Variants in RNF220 observed in about 807,000 individuals in gnomAD.
RNF220 encodes E3 ubiquitin-protein ligase RNF220.
In RNF220, 7 loss-of-function variants were observed where a neutral mutation model predicts 67.1. The ratio of observed to expected loss-of-function variants is 0.10; its 90% CI spans 0.06 to 0.20. The LOEUF (loss-of-function observed/expected upper bound fraction) is 0.20, where lower values mean the gene tolerates loss of function less well. Ranked by LOEUF, RNF220 falls within the 10% of genes least tolerant of loss-of-function variation. The pLI is 1.00. For missense variants in RNF220, 565 were observed against 740.3 expected (o/e 0.76, Z 2.75); for synonymous variants, 270 against 283.2 (o/e 0.95, Z 0.47).
At chr1:44,465,434 G>T (rs2147974494) in intron 2 of RNF220, among the ~76,000 whole-genome samples, 1 of 132,510 alleles carries the variant, frequency 7.5e-6, no homozygotes, top group African/African-American at 3.0e-5. Context: ...ATAAATCCAT[G>T]TGCCATTTTT....
At position 44,622,400 on chromosome 1, in the gene RNF220, G is replaced by A. The variant is rs1643835960; in HGVS notation, c.759-342G>A. The stretch of plus-strand genomic sequence containing the variant: ...TAAGAGCGGGCTGGGAACAGGGGGT[G>A]GAGAGAAGGGGGTCTCCAGGACAGG... On this transcript the variant is annotated intron_variant, in intron 3 of 14. Coordinates refer to ENST00000361799, the MANE Select transcript of RNF220 (RefSeq NM_018150.4). The surrounding 1 kb of genome is among the most constrained non-coding windows in gnomAD (Gnocchi z 4.3). Among the ~76,000 whole-genome samples, 1 of 152,222 alleles carries A rather than the reference G, an allele frequency of 6.6e-6. No individual in the cohort carries two copies.
At chr1:44,430,937 A>G (rs1040539939) in intron 2 of RNF220, among the ~76,000 whole-genome samples, 2 of 152,242 alleles carry the variant, frequency 1.3e-5, no homozygotes, top group East Asian at 3.8e-4. Context: ...GGAGAGATGA[A>G]TTGATAAAAC....
At chr1:44,635,844 A>G in intron 7 of RNF220, 186 bp from the exon 8 acceptor site, 1 of 1,309,436 alleles carries the variant, frequency 7.6e-7, no homozygotes, top group Non-Finnish European at 1.0e-6. Context: ...CTTGGGCTCC[A>G]GCGGAAAACT....
At chr1:44,481,691 AAAAG>A (rs1655828284) in intron 2 of RNF220, among the ~76,000 whole-genome samples, 2 of 152,180 alleles carry the variant, frequency 1.3e-5, no homozygotes, top group Admixed American at 1.3e-4. Flanking sequence ...AAGGGGGAAA[AAAAG>A]AAGAGCAGAA....
intron 2 of RNF220, among the ~76,000 whole-genome samples, chr1:44,515,268 G>C (rs576501620): frequency 6.6e-6 from 1 of 152,166 alleles, no homozygotes; most frequent in South Asian, 2.1e-4. Context: ...AGGGTAGCAG[G>C]GTATAGAATC....
In RNF220 at chr1:44,649,725, C is replaced by T. The variant is rs1288658649; in HGVS notation, c.1510C>T (p.Arg504Trp). The change falls in exon 13 of 15, where the codon CGG becomes TGG. Residue 504 changes from arginine (R) to tryptophan (W), a missense_variant. Arg to Trp is a moderately radical substitution (Grantham distance 101). Transcript: ENST00000361799. This position sits in a 1 kb window ranked among gnomAD's most constrained non-coding sequence, Gnocchi z 5.9. ...ALKARVRELE[R>W]QLSRGDRYKC... Reference sequence around the variant, plus strand: ...GAAGGCTCGGGTCAGAGAACTTGAACGGCAGCTATCTCGTGGGGACCGTTA... The same window carrying T: ...GAAGGCTCGGGTCAGAGAACTTGAATGGCAGCTATCTCGTGGGGACCGTTA... 1.2e-5 allele frequency: 19 copies of T among 1,614,026 alleles called. No homozygotes were observed. The highest frequency in any genetic ancestry group is 1.5e-5 in the Non-Finnish European group (18 of 1,179,952).
intron 2 of RNF220, among the ~76,000 whole-genome samples, chr1:44,551,304 G>T (rs1177648659): frequency 6.6e-6 from 1 of 151,846 alleles, no homozygotes; most frequent in Non-Finnish European, 1.5e-5. Flanking sequence ...TAGTAGAGAC[G>T]TGGTTTCACC....
chr1:44,461,471 T>C (rs1318191645), intron 2 of RNF220, among the ~76,000 whole-genome samples: 1 of 152,240 alleles, frequency 6.6e-6, no homozygotes, highest in East Asian at 1.9e-4. Flanking sequence ...GTGGATGTTT[T>C]GGTGATCTGT....
chr1:44,611,081 C>T (rs1012634692), intron 2 of RNF220, among the ~76,000 whole-genome samples: 1 of 152,302 alleles, frequency 6.6e-6, no homozygotes, highest in Admixed American at 6.5e-5. Flanking sequence ...GACCACAGGT[C>T]TCAATATAAA....
chr1:44,493,834 A>G (rs1169726474), intron 2 of RNF220, among the ~76,000 whole-genome samples: 2 of 152,068 alleles, frequency 1.3e-5, no homozygotes, highest in African/African-American at 4.8e-5. Flanking sequence ...AAACTCAAAT[A>G]AAATTATTGA....
intron 2 of RNF220, among the ~76,000 whole-genome samples, chr1:44,555,955 C>T (rs1361052038): frequency 6.6e-6 from 1 of 150,418 alleles, no homozygotes; most frequent in Non-Finnish European, 1.5e-5. Flanking sequence ...CTTTGTGCCC[C>T]TACCCAGAAT....
rs948381950 is a variant in RNF220 at position 44,622,983 on chromosome 1, G to A, written c.804+196G>A. Among the ~76,000 whole-genome samples the A allele has an allele frequency of 6.6e-6, 1 of 151,956 alleles. No homozygotes were observed. Among genetic ancestry groups the A allele is most frequent in the African/African-American group, 2.4e-5 (1 of 41,340 alleles). ...CCGTGTGTGTGTGTAAGTGTGTGTG[G>A]TCTGTGCATGAGTGAGAGTATGCTC... On this transcript the variant is annotated intron_variant, in intron 4 of 14. Transcript: ENST00000361799. This position sits in a 1 kb window ranked among gnomAD's most constrained non-coding sequence, Gnocchi z 4.3.
rs1411362966 is a variant in RNF220, at chr1:44,649,319, A to G, written c.1446-342A>G. ...AAAAGTTAGTGGTGGAATTGGTGGA[A>G]GACATCTGAGAGCCTGGACTCATGG... is the stretch of plus-strand genomic sequence containing the variant. On this transcript the variant is annotated intron_variant, in intron 12 of 14. Transcript: ENST00000361799. This position sits in a 1 kb window ranked among gnomAD's most constrained non-coding sequence, Gnocchi z 5.9. The G allele has an allele frequency of 6.3e-6, 2 of 315,986 alleles. No homozygotes were observed. Among genetic ancestry groups the G allele is most frequent in the Admixed American group, 9.5e-5 (2 of 21,034 alleles). The allele number at this position is 315,986 out of a possible 1,614,324, so 19.6% of individuals were successfully genotyped here. A position where few individuals can be genotyped will look rare whatever the true frequency, so the allele number is the denominator to read the frequency against.
intron 2 of RNF220, among the ~76,000 whole-genome samples, chr1:44,547,023 G>A (rs1339321276): frequency 1.3e-5 from 2 of 152,194 alleles, no homozygotes; most frequent in African/African-American, 2.4e-5. Context: ...GAAAACCAAG[G>A]TGTTCATGTT....
chr1:44,563,050 C>T (rs1350313890), intron 2 of RNF220, among the ~76,000 whole-genome samples: 1 of 152,156 alleles, frequency 6.6e-6, no homozygotes, highest in African/African-American at 2.4e-5. Flanking sequence ...CTCATGGGCA[C>T]GAATGAAGTG....
At chr1:44,549,221 T>C (rs965125335) in intron 2 of RNF220, among the ~76,000 whole-genome samples, 1 of 152,088 alleles carries the variant, frequency 6.6e-6, no homozygotes, top group Non-Finnish European at 1.5e-5. Context: ...AAAACAGCTA[T>C]GATGTAGCAT....
At chr1:44,469,745 C>T (rs1171509515) in intron 2 of RNF220, among the ~76,000 whole-genome samples, 1 of 152,044 alleles carries the variant, frequency 6.6e-6, no homozygotes, top group Admixed American at 6.6e-5. Context: ...AAAATTTTTG[C>T]AAAGTTGAAC....
In RNF220 at chr1:44,622,644, C is replaced by G; in HGVS notation, c.759-98C>G. On this transcript the variant is annotated intron_variant, in intron 3 of 14. Transcript: ENST00000361799. The surrounding 1 kb of genome is among the most constrained non-coding windows in gnomAD (Gnocchi z 4.3). ...GCTGAGCTGGGCTGGGCTAGGCGGT[C>G]TATGCCTTCTCTGTCTTTGGGGTCT... is the stretch of plus-strand genomic sequence containing the variant. 1 of 1,101,072 alleles carries G rather than the reference C, an allele frequency of 9.1e-7. No homozygotes were observed. Among genetic ancestry groups the G allele is most frequent in the South Asian group, 1.3e-5 (1 of 77,540 alleles). 68.2% of individuals were successfully genotyped at this position (1,101,072 alleles called of 1,614,324 possible).
intron 2 of RNF220, among the ~76,000 whole-genome samples, chr1:44,514,684 T>C (rs1420236706): frequency 1.3e-5 from 2 of 152,106 alleles, no homozygotes; most frequent in Non-Finnish European, 2.9e-5. Flanking sequence ...ACTTTTTAGA[T>C]TTTTTTAAAA....
Sources: allele counts gnomAD v4.1 joint callset (sites outside exome capture counted in the v4.1 genomes callset), GRCh38; gene constraint gnomAD v4.1.1; non-coding constraint Gnocchi (gnomAD v3.1); transcripts MANE v1.5; gene names NCBI Gene and HGNC (gene_info 2026-07-23, HGNC 2026-07-21).